Variants in ABHD12 observed in about 807,000 individuals in gnomAD.
ABHD12 encodes the protein lysophosphatidylserine lipase ABHD12.
A neutral mutation model predicts 58.3 loss-of-function variants in ABHD12; 43 were observed. That is an observed-to-expected ratio of 0.74 (90% confidence interval 0.58 to 0.95). The LOEUF is 0.95. Ranked by LOEUF, ABHD12 falls within the 40% of genes least tolerant of loss-of-function variation. The pLI is 0.00. For synonymous variants in ABHD12, 219 were observed against 211.2 expected (o/e 1.04, Z -0.32); for missense variants, 539 against 537.2 (o/e 1.00, Z -0.03).
intron 4 of ABHD12, among the ~76,000 whole-genome samples, chr20:25,319,906 C>G (rs754333318): frequency 2.6e-5 from 4 of 152,248 alleles, no homozygotes; most frequent in Non-Finnish European, 4.4e-5. Context: ...AGGGGACGGT[C>G]TGCACACAGC....
At position 25,323,549 on chromosome 20, in the gene ABHD12, A is replaced by T; in HGVS notation, c.317-119T>A. 4.1e-6 allele frequency: 3 copies of T among 729,536 alleles called. No individual in the cohort carries two copies. The Admixed American group carries it at 5.7e-5, about 14-fold the overall frequency. The allele number at this position is 729,536 out of a possible 1,614,324, so 45.2% of individuals were successfully genotyped here. ...TGCATCCACACGTGCACACACACAC[A>T]TGCACACCCACATGCACACACTGCA... On this transcript the variant is annotated intron_variant, in intron 2 of 12. Transcript: ENST00000339157.
At chr20:25,346,264 G>A (rs537773506) in intron 1 of ABHD12, among the ~76,000 whole-genome samples, 1 of 152,310 alleles carries the variant, frequency 6.6e-6, no homozygotes, top group South Asian at 2.1e-4. Flanking sequence ...ATGACATTCT[G>A]TAAAAGGTCA....
intron 1 of ABHD12, 38 bp downstream of exon 1, chr20:25,390,475 C>CGG: frequency 8.3e-6 from 9 of 1,089,420 alleles, no homozygotes; most frequent in Admixed American, 4.7e-5. Context: ...AGTGAGGGAC[C>CGG]GGCCCCCCCC....
At chr20:25,335,863 C>A (rs1221255492) in intron 2 of ABHD12, among the ~76,000 whole-genome samples, 4 of 146,186 alleles carry the variant, frequency 2.7e-5, no homozygotes, top group African/African-American at 1.0e-4. Context: ...TGCTAGATGA[C>A]GAGTTAGTGG....
At chr20:25,358,713 C>T (rs1357825600) in intron 1 of ABHD12, among the ~76,000 whole-genome samples, 2 of 152,124 alleles carry the variant, frequency 1.3e-5, no homozygotes, top group Admixed American at 6.6e-5. Flanking sequence ...GGTGGCACTC[C>T]GGGCACACGT....
intron 6 of ABHD12, among the ~76,000 whole-genome samples, chr20:25,311,782 G>A (rs895139801): frequency 6.6e-6 from 1 of 152,118 alleles, no homozygotes; most frequent in African/African-American, 2.4e-5. Flanking sequence ...TTGGCTCACT[G>A]CAACCTCCGC....
At chr20:25,344,998 C>T (rs1032899344) in intron 1 of ABHD12, among the ~76,000 whole-genome samples, 1 of 151,830 alleles carries the variant, frequency 6.6e-6, no homozygotes, top group Admixed American at 6.6e-5. Context: ...CAAAATGAGT[C>T]ATAGACCTAA....
chr20:25,364,952 T>C (rs1269356912), intron 1 of ABHD12, among the ~76,000 whole-genome samples: 1 of 151,770 alleles, frequency 6.6e-6, no homozygotes. Flanking sequence ...CCCTACGGAG[T>C]GTAGAGTTGG....
intron 1 of ABHD12, among the ~76,000 whole-genome samples, chr20:25,360,872 G>A (rs1157982134): frequency 6.6e-6 from 1 of 152,236 alleles, no homozygotes; most frequent in African/African-American, 2.4e-5. Flanking sequence ...GAACAGAGTG[G>A]GGCCACTGCC....
chr20:25,301,312 T>C (rs190555991), intron 12 of ABHD12, among the ~76,000 whole-genome samples: 119 of 152,302 alleles, frequency 7.8e-4, no homozygotes, highest in Non-Finnish European at 1.6e-3. Flanking sequence ...AAAGCAGAAG[T>C]TTGCAGTAGA....
At chr20:25,339,389 A>G (rs1364263524) in intron 1 of ABHD12, 38 bp from the exon 2 acceptor site, 2 of 1,613,862 alleles carry the variant, frequency 1.2e-6, no homozygotes, top group Non-Finnish European at 1.7e-6. Context: ...AGAAGGCAGT[A>G]GGTGCCATTT....
intron 7 of ABHD12, among the ~76,000 whole-genome samples, chr20:25,309,229 T>C (rs1376184141): frequency 6.6e-6 from 1 of 152,158 alleles, no homozygotes; most frequent in East Asian, 1.9e-4. Context: ...CCACTGCCTA[T>C]GTCTGTCCTG....
At chr20:25,327,030 A>C (rs549802265) in intron 2 of ABHD12, among the ~76,000 whole-genome samples, 1 of 152,214 alleles carries the variant, frequency 6.6e-6, no homozygotes, top group Admixed American at 6.5e-5. Flanking sequence ...GAGTATGCCC[A>C]GAATGTTGCA....
chr20:25,334,628 C>T (rs1329183608), intron 2 of ABHD12, among the ~76,000 whole-genome samples: 1 of 151,744 alleles, frequency 6.6e-6, no homozygotes. Context: ...TGGAACAGAA[C>T]AGAGCCCTCA....
chr20:25,306,995 T>C (rs1304621943), intron 9 of ABHD12, 80 bp from the exon 10 acceptor site: 1 of 1,066,718 alleles, frequency 9.4e-7, no homozygotes, highest in Non-Finnish European at 1.4e-6. Context: ...ACAGTTTAAG[T>C]TCAGAAATCT....
At chr20:25,330,386 G>A (rs903219973) in intron 2 of ABHD12, among the ~76,000 whole-genome samples, 15 of 152,260 alleles carry the variant, frequency 9.9e-5, no homozygotes, top group African/African-American at 3.6e-4. Flanking sequence ...GAGGCTTGGG[G>A]AGGGGCGCCC....
At chr20:25,302,993 A>G (rs2088665264) in intron 11 of ABHD12, among the ~76,000 whole-genome samples, 1 of 152,180 alleles carries the variant, frequency 6.6e-6, no homozygotes, top group African/African-American at 2.4e-5. Flanking sequence ...CACAAATCCA[A>G]TCCAACTTGC....
intron 6 of ABHD12, among the ~76,000 whole-genome samples, chr20:25,313,923 T>C (rs1196234111): frequency 6.6e-6 from 1 of 152,146 alleles, no homozygotes; most frequent in Non-Finnish European, 1.5e-5. Flanking sequence ...CCCTGGTTCA[T>C]TCAAAAAAGC....
At chr20:25,361,577 G>A (rs1161910748) in intron 1 of ABHD12, among the ~76,000 whole-genome samples, 2 of 152,180 alleles carry the variant, frequency 1.3e-5, no homozygotes, top group East Asian at 3.8e-4. Context: ...TGAAATAAAA[G>A]TTTATCCTGT....
Sources: gnomAD v4.1 joint callset for allele counts (sites outside exome capture counted in the v4.1 genomes callset) on GRCh38, gnomAD v4.1.1 for gene constraint, MANE v1.5 for transcripts, NCBI Gene and HGNC (gene_info 2026-07-23, HGNC 2026-07-21) for gene names.